Variants in HNRNPUL1 observed in about 807,000 individuals in gnomAD.
The protein encoded by HNRNPUL1 is heterogeneous nuclear ribonucleoprotein U-like protein 1.
A neutral mutation model predicts 108.5 loss-of-function variants in HNRNPUL1; 14 were observed. The observed-to-expected ratio is 0.13, with a 90% CI of 0.09 to 0.20. The LOEUF is 0.20. Among genes scored for constraint, HNRNPUL1 ranks in the 10% least tolerant of loss-of-function variants. The pLI is 1.00. For synonymous variants in HNRNPUL1, 422 were observed against 445.2 expected (o/e 0.95, Z 0.66); for missense variants, 804 against 1,168.3 (o/e 0.69, Z 4.55).
intron 10 of HNRNPUL1, among the ~76,000 whole-genome samples, 170 bp from the exon 11 acceptor site, chr19:41,301,366 G>C (rs1004022443): frequency 3.3e-5 from 5 of 152,208 alleles, no homozygotes; most frequent in Non-Finnish European, 7.3e-5. Flanking sequence ...TTCATTTGCT[G>C]AGGGTGACTC....
At chr19:41,295,830 T>C (rs1228843355) in intron 10 of HNRNPUL1, among the ~76,000 whole-genome samples, 1 of 152,176 alleles carries the variant, frequency 6.6e-6, no homozygotes, top group Non-Finnish European at 1.5e-5. Flanking sequence ...GAGACCGAGT[T>C]GCCTTCACAT....
rs2037613103 is a variant in HNRNPUL1, at chr19:41,307,644, T to C, written c.*1079T>C. 1 of 152,654 alleles carries C rather than the reference T, an allele frequency of 6.6e-6. No homozygotes were observed. The highest frequency in any genetic ancestry group is 6.5e-5 in the Admixed American group (1 of 15,278). The allele number at this position is 152,654 out of a possible 1,614,324, so 9.5% of individuals were successfully genotyped here. ...TTTTGTTTGGTTTCGTTTTGTTTTC[T>C]TTGAATAAATGACATGGCACCTCCT... is the stretch of plus-strand genomic sequence containing the variant. On this transcript the variant is annotated 3_prime_UTR_variant, in exon 15 of 15. Transcript: ENST00000392006.
At chr19:41,293,012 CT>C (rs1460492791) in intron 8 of HNRNPUL1, among the ~76,000 whole-genome samples, 1 of 151,970 alleles carries the variant, frequency 6.6e-6, no homozygotes, top group Admixed American at 6.6e-5. Flanking sequence ...GCCAGGCTAA[CT>C]TTTTTAGCCA....
intron 12 of HNRNPUL1, 86 bp downstream of exon 12, chr19:41,303,035 G>GT: frequency 7.1e-7 from 1 of 1,406,082 alleles, no homozygotes; most frequent in Non-Finnish European, 9.5e-7. Flanking sequence ...AGCAACTGAA[G>GT]TTTTCTGAGC....
intron 7 of HNRNPUL1, among the ~76,000 whole-genome samples, chr19:41,282,985 C>T (rs1041530332): frequency 1.7e-4 from 26 of 152,244 alleles, no homozygotes; most frequent in South Asian, 1.2e-3. Flanking sequence ...TGAGCCACCG[C>T]GCCCGGCCAT....
In HNRNPUL1 at chr19:41,294,471, C is replaced by T; in HGVS notation, c.1389+11C>T. On this transcript the variant is annotated intron_variant, in intron 9 of 14. Transcript: ENST00000392006. The surrounding 1 kb of genome is among the most constrained non-coding windows in gnomAD (Gnocchi z 4.3). ...ATGGATAAGATGCGGGTAAGGCCAG[C>T]CACTGGACTCTCCTTACTCACCTCC... 6.2e-7 allele frequency: 1 copy of T among 1,614,108 alleles called. No homozygotes were observed. The highest frequency in any genetic ancestry group is 1.1e-5 in the South Asian group (1 of 91,062).
At chr19:41,265,037 G>C (rs916224134) in intron 1 of HNRNPUL1, 1 of 1,394,250 alleles carries the variant, frequency 7.2e-7, no homozygotes, top group Non-Finnish European at 9.3e-7. Context: ...GGTGAGGGAC[G>C]GGGGTGGCGG....
chr19:41,291,375 C>A (rs1051196951), intron 7 of HNRNPUL1, among the ~76,000 whole-genome samples: 1 of 152,198 alleles, frequency 6.6e-6, no homozygotes, highest in African/African-American at 2.4e-5. Flanking sequence ...ACTCAGGGAA[C>A]ATGTTGAACA....
intron 7 of HNRNPUL1, among the ~76,000 whole-genome samples, chr19:41,290,995 G>A (rs540943004): frequency 6.6e-6 from 1 of 152,218 alleles, no homozygotes; most frequent in African/African-American, 2.4e-5. Context: ...GTGGTGGGCC[G>A]AGATTGCGCC....
intron 5 of HNRNPUL1, among the ~76,000 whole-genome samples, chr19:41,278,595 A>T (rs1192654197): frequency 6.6e-6 from 1 of 151,684 alleles, no homozygotes; most frequent in Non-Finnish European, 1.5e-5. Context: ...ATGTGCATTT[A>T]TGGGGTTTTG....
intron 2 of HNRNPUL1, among the ~76,000 whole-genome samples, chr19:41,270,853 C>G (rs900071503): frequency 6.6e-6 from 1 of 152,122 alleles, no homozygotes; most frequent in Non-Finnish European, 1.5e-5. Flanking sequence ...CCTCGGCCTC[C>G]CAGAGTGCTG....
chr19:41,285,856 A>G (rs1346232874), intron 7 of HNRNPUL1, among the ~76,000 whole-genome samples: 1 of 152,194 alleles, frequency 6.6e-6, no homozygotes, highest in Non-Finnish European at 1.5e-5. Context: ...AAATCCACGT[A>G]TAGTTTTTGA....
chr19:41,282,914 T>C (rs1349559610), intron 7 of HNRNPUL1, among the ~76,000 whole-genome samples: 1 of 151,400 alleles, frequency 6.6e-6, no homozygotes, highest in Non-Finnish European at 1.5e-5. Flanking sequence ...CGGGATGGTC[T>C]CGATCTCCTG....
rs1309104568 is a variant in HNRNPUL1, at chr19:41,264,746, C to T, written c.243C>T (p.Pro81=). The T allele has an allele frequency of 1.4e-6, 2 of 1,391,818 alleles. No homozygotes were observed. Among genetic ancestry groups the T allele is most frequent in the East Asian group, 2.9e-5 (1 of 35,074 alleles). The allele number at this position is 1,391,818 out of a possible 1,614,324, so 86.2% of individuals were successfully genotyped here. A position where few individuals can be genotyped will look rare whatever the true frequency, so the allele number is the denominator to read the frequency against. ...AGGGGACCGCGCAGCCACCGCCGCC[C>T]GGGCTGCAGCCGCACGCGGAGCCCG... The part of the protein sequence containing the change: ...ELEGTAQPPP[P]GLQPHAEPGG... Residue 81 remains proline, a synonymous_variant, in exon 1 of 15, where the codon CCC becomes CCT. Coordinates refer to ENST00000392006, the MANE Select transcript of HNRNPUL1 (RefSeq NM_007040.6).
At chr19:41,267,955 A>G in intron 1 of HNRNPUL1, 1 of 301,148 alleles carries the variant, frequency 3.3e-6, no homozygotes, top group Non-Finnish European at 6.2e-6. Context: ...TCCTGGTACT[A>G]CTTTGTAGCC....
intron 10 of HNRNPUL1, among the ~76,000 whole-genome samples, chr19:41,297,104 A>G (rs193248967): frequency 2.6e-5 from 4 of 152,338 alleles, no homozygotes; most frequent in African/African-American, 7.2e-5. Context: ...TAGCCTTTTG[A>G]GATGATGTGG....
chr19:41,286,256 A>G (rs1277125447), intron 7 of HNRNPUL1, among the ~76,000 whole-genome samples: 1 of 151,964 alleles, frequency 6.6e-6, no homozygotes, highest in African/African-American at 2.4e-5. Context: ...GTGTCCACAA[A>G]TATTTTCAGT....
intron 1 of HNRNPUL1, among the ~76,000 whole-genome samples, chr19:41,265,920 A>C (rs1372805499): frequency 6.6e-6 from 1 of 151,796 alleles, no homozygotes; most frequent in Non-Finnish European, 1.5e-5. Context: ...CTCAGAGTGG[A>C]GTGTGGGGAA....
chr19:41,264,493 G>A lies in HNRNPUL1; in HGVS notation c.-11G>A. ...GGGCCGGGCTCGGGGGCCACCCCGG[G>A]GGCCCGGGCCATGGATGTGCGCCGT... On this transcript the variant is annotated 5_prime_UTR_variant, in exon 1 of 15. Coordinates refer to ENST00000392006, the MANE Select transcript of HNRNPUL1 (RefSeq NM_007040.6). 7.4e-7 allele frequency: 1 copy of A among 1,355,082 alleles called. No individual in the cohort carries two copies. 83.9% of individuals were successfully genotyped at this position (1,355,082 alleles called of 1,614,324 possible). A position where few individuals can be genotyped will look rare whatever the true frequency, so the allele number is the denominator to read the frequency against.
Sources: gnomAD v4.1 joint callset for allele counts (sites outside exome capture counted in the v4.1 genomes callset) on GRCh38, gnomAD v4.1.1 for gene constraint, Gnocchi (gnomAD v3.1) non-coding constraint, MANE v1.5 for transcripts, NCBI Gene and HGNC (gene_info 2026-07-23, HGNC 2026-07-21) for gene names.